The following HDAC9 variants were observed in gnomAD, a reference collection of about 807,000 sequenced individuals.
The protein encoded by HDAC9 is MEF-2 interacting transcription repressor (MITR) protein.
A neutral mutation model predicts 139.4 loss-of-function variants in HDAC9; 41 were observed. The ratio of observed to expected loss-of-function variants is 0.29; its 90% CI spans 0.23 to 0.38. HDAC9 has a LOEUF of 0.38. HDAC9 is among the 10% of genes least tolerant of loss of function. HDAC9 has a pLI of 1.00. For synonymous variants in HDAC9, 517 were observed against 476.2 expected (o/e 1.09, Z -1.12); for missense variants, 1,147 against 1,297.0 (o/e 0.88, Z 1.78).
chr7:18,991,373 G>A (rs558935274), intron 25 of HDAC9, among the ~76,000 whole-genome samples: 63 of 152,316 alleles, frequency 4.1e-4, no homozygotes, highest in Admixed American at 1.4e-3. Context: ...GGGCACAGTG[G>A]CTCATGCCTG....
intron 2 of HDAC9, among the ~76,000 whole-genome samples, chr7:18,264,441 A>G (rs1351415800): frequency 6.6e-6 from 1 of 152,226 alleles, no homozygotes; most frequent in Non-Finnish European, 1.5e-5. Flanking sequence ...AGAACAAAGC[A>G]GGGTAAACAT....
chr7:18,369,824 C>T (rs1192381097), intron 1 of HDAC9, among the ~76,000 whole-genome samples: 2 of 151,998 alleles, frequency 1.3e-5, no homozygotes, highest in African/African-American at 2.4e-5. Context: ...CCATCATCTC[C>T]AAATGGGATT....
At chr7:18,502,979 C>T (rs1282307464) in intron 2 of HDAC9, among the ~76,000 whole-genome samples, 2 of 152,014 alleles carry the variant, frequency 1.3e-5, no homozygotes, top group African/African-American at 2.4e-5. Flanking sequence ...AGAATGTGTT[C>T]GCCAGTAGGT....
chr7:18,791,555 C>T (rs1272836850), intron 16 of HDAC9, among the ~76,000 whole-genome samples: 4 of 152,272 alleles, frequency 2.6e-5, no homozygotes, highest in African/African-American at 7.2e-5. Context: ...GATTAGGTCT[C>T]AGTGTCCATT....
At chr7:18,437,324 A>G (rs1303644377) in intron 1 of HDAC9, among the ~76,000 whole-genome samples, 15 of 152,280 alleles carry the variant, frequency 9.9e-5, no homozygotes. Context: ...AGCTCTAGCC[A>G]GAGGAACTTC....
intron 22 of HDAC9, among the ~76,000 whole-genome samples, chr7:18,925,578 G>T (rs941094518): frequency 6.6e-6 from 1 of 151,848 alleles, no homozygotes; most frequent in African/African-American, 2.4e-5. Flanking sequence ...TGGTGTTTTA[G>T]TTTTACCCTG....
chr7:18,341,792 T>C (rs921242073), intron 1 of HDAC9, among the ~76,000 whole-genome samples: 2 of 151,862 alleles, frequency 1.3e-5, no homozygotes, highest in Non-Finnish European at 2.9e-5. Context: ...TAATTTTTTA[T>C]TATATGTGAA....
At chr7:18,314,641 A>C (rs1799521736) in intron 1 of HDAC9, among the ~76,000 whole-genome samples, 1 of 152,208 alleles carries the variant, frequency 6.6e-6, no homozygotes, top group African/African-American at 2.4e-5. Flanking sequence ...CTTATTGAAG[A>C]GTAAGTTATT....
At chr7:18,361,897 A>G (rs182214374) in intron 1 of HDAC9, among the ~76,000 whole-genome samples, 177 of 151,592 alleles carry the variant, frequency 1.2e-3, no homozygotes, top group Non-Finnish European at 1.2e-3. Context: ...ATGATATGCT[A>G]TTTTCCTCCA....
chr7:18,095,574 A>G (rs1054374832), intron 1 of HDAC9, among the ~76,000 whole-genome samples: 7 of 152,330 alleles, frequency 4.6e-5, no homozygotes, highest in Admixed American at 3.9e-4. Context: ...ACCTTCTCCA[A>G]ATAAAACACC....
At chr7:18,565,906 C>G (rs1216860573) in intron 2 of HDAC9, among the ~76,000 whole-genome samples, 3 of 148,350 alleles carry the variant, frequency 2.0e-5, no homozygotes, top group East Asian at 2.0e-4. Context: ...GTTTCTAATT[C>G]TGGGCAATTT....
At chr7:18,591,336 C>T (rs188019641) in intron 4 of HDAC9, among the ~76,000 whole-genome samples, 180 bp from the exon 5 acceptor site, 79 of 152,214 alleles carry the variant, frequency 5.2e-4, no homozygotes, top group African/African-American at 1.8e-3. Flanking sequence ...TTTTCTAAAG[C>T]ATATTTGGAC....
chr7:18,253,310 G>T (rs903552049), intron 2 of HDAC9, among the ~76,000 whole-genome samples: 1 of 151,866 alleles, frequency 6.6e-6, no homozygotes, highest in African/African-American at 2.4e-5. Context: ...CTGTTTTTAG[G>T]TATTTGAGGA....
At chr7:18,976,179 G>A (rs919458198) in intron 25 of HDAC9, among the ~76,000 whole-genome samples, 8 of 152,208 alleles carry the variant, frequency 5.3e-5, no homozygotes, top group African/African-American at 1.9e-4. Context: ...AGTTCACAGA[G>A]AAATAGAGGG....
chr7:18,598,952 G>T (rs1291695323), intron 6 of HDAC9, among the ~76,000 whole-genome samples: 1 of 152,192 alleles, frequency 6.6e-6, no homozygotes, highest in African/African-American at 2.4e-5. Context: ...TGAGGAGGGA[G>T]GATTGCTTGG....
In HDAC9 at chr7:18,821,958, T is replaced by C. The variant is rs2588632; in HGVS notation, c.2323-7203T>C. ...CTCAGGAACAGCCAGATGGAAGAGA[T>C]GCATGGGAAGAGGTATGGAGGAGGG... On this transcript the variant is annotated intron_variant, in intron 17 of 25. Transcript: ENST00000686413. Among the ~76,000 whole-genome samples, 1,306 of 152,286 alleles carry C rather than the reference T, an allele frequency of 8.6e-3. 21 individuals are homozygous for C. The highest frequency in any genetic ancestry group is 0.03 in the African/African-American group (1,245 of 41,556).
At chr7:18,093,620 A>C (rs1455548458) in intron 1 of HDAC9, among the ~76,000 whole-genome samples, 1 of 152,226 alleles carries the variant, frequency 6.6e-6, no homozygotes, top group Non-Finnish European at 1.5e-5. Flanking sequence ...AATCAAAAGC[A>C]CTGTGTCTCC....
chr7:18,856,129 A>T (rs1797658214), intron 21 of HDAC9, among the ~76,000 whole-genome samples: 1 of 152,156 alleles, frequency 6.6e-6, no homozygotes, highest in African/African-American at 2.4e-5. Context: ...GCATGCTTTG[A>T]AAAGAATGCT....
rs757689693 is a variant in HDAC9 at position 18,719,331 on chromosome 7, CTTTTTTTTTTTTTTT to C, written c.1732-8237_1732-8223del. ...CTAATTAACCTATTTTTTTCTCTTCCTTTTTTTTTTTTTTTTTTTTTTTTTTGAGATGGAGTTTTG... is the reference window on the plus strand; with the variant it reads ...CTAATTAACCTATTTTTTTCTCTTCCTTTTTTTTTTTGAGATGGAGTTTTG... On this transcript the variant is annotated intron_variant, in intron 12 of 25. Coordinates refer to ENST00000686413, the MANE Select transcript of HDAC9 (RefSeq NM_178425.4). Among the ~76,000 whole-genome samples, 16 of 73,914 alleles carry C rather than the reference CTTTTTTTTTTTTTTT, an allele frequency of 2.2e-4. No homozygotes were observed. In the South Asian group the frequency reaches 7.7e-3, roughly 35 times the overall value. The allele number at this position is 73,914 out of a possible 152,430, so 48.5% of individuals were successfully genotyped here.
Sources: allele counts gnomAD v4.1 joint callset (sites outside exome capture counted in the v4.1 genomes callset), GRCh38; gene constraint gnomAD v4.1.1; transcripts MANE v1.5; gene names NCBI Gene and HGNC (gene_info 2026-07-23, HGNC 2026-07-21).